ALK: variants seen among roughly 807,000 people sequenced by gnomAD.
ALK encodes ALK receptor tyrosine kinase.
In ALK, 74 loss-of-function variants were observed where a neutral mutation model predicts 163.1. That is an observed-to-expected ratio of 0.45 (90% CI 0.38 to 0.55). The LOEUF (loss-of-function observed/expected upper bound fraction) is 0.55. ALK is among the 20% of genes least tolerant of loss of function. The pLI is 0.00. For missense variants in ALK, 2,063 were observed against 2,105.3 expected, an observed-to-expected ratio of 0.98 and a Z score of 0.39; for synonymous variants, 960 against 843.2, an observed-to-expected ratio of 1.14 and a Z score of -2.40.
Position 29,193,062 on chromosome 2 carries a change from T to G in ALK, c.*162A>C. ...AGGATGAACCCATGCTCAAAACCTT[T>G]CTAAAGCATTTTCAAAATACAGCTT... On this transcript the variant is annotated 3_prime_UTR_variant, in exon 29 of 29. Transcript: ENST00000389048. 1.3e-6 allele frequency: 1 copy of G among 778,326 alleles called. No individual in the cohort carries two copies. Among genetic ancestry groups the G allele is most frequent in the Non-Finnish European group, 2.2e-6 (1 of 462,722 alleles). 48.2% of individuals were successfully genotyped at this position (778,326 alleles called of 1,614,324 possible).
At chr2:29,580,322 T>C (rs1674644094) in intron 3 of ALK, among the ~76,000 whole-genome samples, 2 of 152,194 alleles carry the variant, frequency 1.3e-5, no homozygotes, top group African/African-American at 4.8e-5. Flanking sequence ...AAGCTGCCTT[T>C]TGTAAATTAC....
intron 23 of ALK, among the ~76,000 whole-genome samples, chr2:29,217,256 G>T (rs967714383): frequency 6.7e-6 from 1 of 148,998 alleles, no homozygotes; most frequent in African/African-American, 2.6e-5. Context: ...TGATGTACGT[G>T]TGTGGTGTGT....
At chr2:29,791,380 C>T (rs770585824) in intron 1 of ALK, among the ~76,000 whole-genome samples, 8 of 152,094 alleles carry the variant, frequency 5.3e-5, no homozygotes, top group Non-Finnish European at 1.0e-4. Context: ...TACACAAGAA[C>T]AGAAAACCAA....
chr2:29,269,801 T>TC (rs149023613), intron 11 of ALK, among the ~76,000 whole-genome samples: 3,530 of 150,806 alleles, frequency 0.023, 50 homozygotes, highest in Middle Eastern at 0.041. Flanking sequence ...TAATGAACAG[T>TC]CCCCCCCCAG....
intron 4 of ALK, among the ~76,000 whole-genome samples, chr2:29,468,853 C>CAAAAAAA (rs70958265): frequency 9.7e-5 from 3 of 30,920 alleles, no homozygotes; most frequent in African/African-American, 1.3e-4. Flanking sequence ...GACCCTGCCT[C>CAAAAAAA]AAAAAAAAAA....
At chr2:29,724,507 A>G (rs1679512323) in intron 1 of ALK, among the ~76,000 whole-genome samples, 1 of 152,194 alleles carries the variant, frequency 6.6e-6, no homozygotes, top group Non-Finnish European at 1.5e-5. Context: ...CCTGTTCAGC[A>G]AAAGAAACCT....
intron 11 of ALK, among the ~76,000 whole-genome samples, chr2:29,268,354 G>A (rs541808236): frequency 7.9e-5 from 12 of 152,338 alleles, no homozygotes; most frequent in African/African-American, 2.9e-4. Flanking sequence ...CTAGGGCAAG[G>A]TCAAGTGAGG....
At chr2:29,690,274 A>C (rs1678356665) in intron 3 of ALK, among the ~76,000 whole-genome samples, 1 of 152,198 alleles carries the variant, frequency 6.6e-6, no homozygotes, top group South Asian at 2.1e-4. Flanking sequence ...TGCTGCATCC[A>C]GACCCTCCAC....
At chr2:29,831,574 A>G (rs1665420789) in intron 1 of ALK, among the ~76,000 whole-genome samples, 1 of 152,122 alleles carries the variant, frequency 6.6e-6, no homozygotes, top group Non-Finnish European at 1.5e-5. Flanking sequence ...ATCAGTGTAT[A>G]TATTTTGGCT....
At chr2:29,545,508 G>A (rs1673529999) in intron 3 of ALK, among the ~76,000 whole-genome samples, 1 of 152,174 alleles carries the variant, frequency 6.6e-6, no homozygotes. Context: ...CAAAGCTCTA[G>A]AGGCTCTTGG....
chr2:29,272,312 C>T (rs1329560833), intron 11 of ALK, among the ~76,000 whole-genome samples: 2 of 152,180 alleles, frequency 1.3e-5, no homozygotes, highest in South Asian at 2.1e-4. Flanking sequence ...GGACTTAATA[C>T]TTGCCCCATT....
At chr2:29,409,184 C>T (rs1669667755) in intron 4 of ALK, among the ~76,000 whole-genome samples, 1 of 152,290 alleles carries the variant, frequency 6.6e-6, no homozygotes, top group Middle Eastern at 3.4e-3. Context: ...TCTAAAATGC[C>T]ACTCGTCTTG....
chr2:29,240,932 TC>T (rs1664507164), intron 12 of ALK, among the ~76,000 whole-genome samples: 2 of 152,294 alleles, frequency 1.3e-5, no homozygotes, highest in South Asian at 4.1e-4. Context: ...ACATAGTAGC[TC>T]CTTTATCTAC....
rs1315039972 is a variant in ALK, at chr2:29,920,582, G to C, written c.78C>G (p.Gly26=). Residue 26 remains glycine, a synonymous_variant, in exon 1 of 29, where the codon GGC becomes GGG. Transcript: ENST00000389048. ...TAAVGSGMGT[G]QRAGSPAAGP... ...CCGCAGCTGGGGAGCCCGCGCGCTGGCCGGTCCCCATCCCGGAGCCCACAG... is the reference window on the plus strand; with the variant it reads ...CCGCAGCTGGGGAGCCCGCGCGCTGCCCGGTCCCCATCCCGGAGCCCACAG... The C allele has an allele frequency of 6.3e-7, 1 of 1,580,080 alleles. No homozygotes were observed. The highest frequency in any genetic ancestry group is 1.1e-5 in the South Asian group (1 of 87,812).
At chr2:29,394,203 T>C (rs1405458961) in intron 4 of ALK, among the ~76,000 whole-genome samples, 1 of 151,892 alleles carries the variant, frequency 6.6e-6, no homozygotes, top group Non-Finnish European at 1.5e-5. Context: ...TTGGTCCCAG[T>C]AGTATTGTCT....
chr2:29,677,710 A>G (rs1677927882), intron 3 of ALK, among the ~76,000 whole-genome samples: 1 of 152,018 alleles, frequency 6.6e-6, no homozygotes, highest in Non-Finnish European at 1.5e-5. Flanking sequence ...TTTTGCACCC[A>G]TCTTTTATGA....
At chr2:29,762,972 A>G (rs1680752015) in intron 1 of ALK, among the ~76,000 whole-genome samples, 1 of 151,812 alleles carries the variant, frequency 6.6e-6, no homozygotes, top group South Asian at 2.1e-4. Context: ...CTATAGTCCT[A>G]TCTACTCAGG....
chr2:29,233,494 A>G, intron 14 of ALK, 71 bp downstream of exon 14: 1 of 1,607,338 alleles, frequency 6.2e-7, no homozygotes, highest in South Asian at 1.1e-5. Context: ...TTTCTATCCC[A>G]GGGCTGTCAT....
chr2:29,349,162 G>A (rs901583480), intron 5 of ALK, among the ~76,000 whole-genome samples: 2 of 152,128 alleles, frequency 1.3e-5, no homozygotes, highest in Non-Finnish European at 1.5e-5. Flanking sequence ...TTGCAGGGTC[G>A]CCCTCTCCAT....
Sources: gnomAD v4.1 joint callset for allele counts (sites outside exome capture counted in the v4.1 genomes callset) on GRCh38, gnomAD v4.1.1 for gene constraint, MANE v1.5 for transcripts, NCBI Gene and HGNC (gene_info 2026-07-23, HGNC 2026-07-21) for gene names.